DRC8: variants seen among roughly 807,000 people sequenced by gnomAD.
DRC8 encodes the protein dynein regulatory complex protein 8.
chr1:244,991,433 C>T, the DRC8 span, among the ~76,000 whole-genome samples: 8 of 152,070 alleles, frequency 5.3e-5, no homozygotes, highest in Non-Finnish European at 8.8e-5. Flanking sequence ...ATTCGAGATT[C>T]GCTCAATCCC....
the DRC8 span, among the ~76,000 whole-genome samples, chr1:245,041,061 G>T: frequency 1.3e-5 from 2 of 152,200 alleles, no homozygotes; most frequent in African/African-American, 4.8e-5. Context: ...GTGTGTTTAG[G>T]TGGGATGGAA....
At chr1:245,055,624 G>C in the DRC8 span, among the ~76,000 whole-genome samples, 4 of 152,046 alleles carry the variant, frequency 2.6e-5, no homozygotes, top group South Asian at 8.3e-4. Context: ...CGCCTGGCCT[G>C]TTTCTCCTTC....
chr1:245,048,985 TC>T, the DRC8 span, among the ~76,000 whole-genome samples: 1 of 57,852 alleles, frequency 1.7e-5, no homozygotes, highest in South Asian at 7.1e-4. Flanking sequence ...CTTTTTCTTT[TC>T]TTTTTTTTTT....
chr1:245,090,806 T>C, the DRC8 span, among the ~76,000 whole-genome samples: 1 of 152,078 alleles, frequency 6.6e-6, no homozygotes, highest in African/African-American at 2.4e-5. Flanking sequence ...TTCCAGACTA[T>C]ACCTGTCCCA....
chr1:245,118,841 A>AAAGAAAAT, the DRC8 span, among the ~76,000 whole-genome samples: 1 of 152,026 alleles, frequency 6.6e-6, no homozygotes, highest in Non-Finnish European at 1.5e-5. Context: ...AAAAGAAAAA[A>AAAGAAAAT]ATAATGATAA....
At chr1:245,038,984 A>C in the DRC8 span, among the ~76,000 whole-genome samples, 1 of 150,562 alleles carries the variant, frequency 6.6e-6, no homozygotes, top group Non-Finnish European at 1.5e-5. Context: ...AAAAGTGGTA[A>C]CTCTTTTAAA....
the DRC8 span, among the ~76,000 whole-genome samples, chr1:245,074,399 G>T: frequency 6.6e-6 from 1 of 152,304 alleles, no homozygotes; most frequent in Non-Finnish European, 1.5e-5. Flanking sequence ...TCACCCTTAA[G>T]TAGAGAAACT....
the DRC8 span, among the ~76,000 whole-genome samples, chr1:244,980,040 TAAAAAAAAAAAA>T: frequency 8.6e-5 from 3 of 34,736 alleles, no homozygotes; most frequent in South Asian, 1.3e-3. Context: ...CCGTCTCTAC[TAAAAAAAAAAAA>T]AAAAAAAAAA....
At chr1:245,061,391 T>C in the DRC8 span, among the ~76,000 whole-genome samples, 4 of 152,232 alleles carry the variant, frequency 2.6e-5, no homozygotes, top group Non-Finnish European at 4.4e-5. Context: ...ATTTTATTTT[T>C]ACCCTTTTTT....
chr1:245,075,235 C>G, the DRC8 span, among the ~76,000 whole-genome samples: 2 of 152,158 alleles, frequency 1.3e-5, no homozygotes, highest in African/African-American at 4.8e-5. Flanking sequence ...GCTGTGATCC[C>G]GTCAAAACAC....
At chr1:245,059,002 A>G in the DRC8 span, among the ~76,000 whole-genome samples, 7 of 152,148 alleles carry the variant, frequency 4.6e-5, no homozygotes, top group South Asian at 1.5e-3. Context: ...TGCTTTTAAC[A>G]CTCTGATACT....
the DRC8 span, among the ~76,000 whole-genome samples, chr1:245,084,750 A>G: frequency 6.6e-6 from 1 of 152,146 alleles, no homozygotes; most frequent in East Asian, 1.9e-4. Flanking sequence ...GGCAGAATGA[A>G]AAGCGCAAGT....
At chr1:245,087,098 C>T in the DRC8 span, 4 of 1,175,422 alleles carry the variant, frequency 3.4e-6, no homozygotes, top group Middle Eastern at 4.0e-4. Context: ...TCTGGACTGT[C>T]GTGATGTCCT....
At chr1:245,010,742 T>G in the DRC8 span, among the ~76,000 whole-genome samples, 1 of 147,150 alleles carries the variant, frequency 6.8e-6, no homozygotes, top group African/African-American at 2.5e-5. Context: ...AGTGCAGTGG[T>G]GCGATCTCGG....
chr1:245,022,707 G>A, the DRC8 span, among the ~76,000 whole-genome samples: 1 of 151,992 alleles, frequency 6.6e-6, no homozygotes, highest in African/African-American at 2.4e-5. Context: ...GTATGCATGT[G>A]CATGTGCGTG....
chr1:244,980,040 TAAAAAAAA>T, the DRC8 span, among the ~76,000 whole-genome samples: 113 of 34,736 alleles, frequency 3.3e-3, 3 homozygotes, highest in Middle Eastern at 0.062. Context: ...CCGTCTCTAC[TAAAAAAAA>T]AAAAAAAAAA....
chr1:245,045,109 A>G, the DRC8 span, among the ~76,000 whole-genome samples: 1 of 152,114 alleles, frequency 6.6e-6, no homozygotes, highest in Non-Finnish European at 1.5e-5. Context: ...TCACCTGCTC[A>G]AGTCATCCTC....
the DRC8 span, among the ~76,000 whole-genome samples, chr1:245,043,714 C>T: frequency 6.0e-3 from 911 of 152,220 alleles, 8 homozygotes; most frequent in African/African-American, 0.021. Flanking sequence ...GAGATGAACC[C>T]GTGCAGGGAC....
At chr1:245,119,637 T>TA in the DRC8 span, among the ~76,000 whole-genome samples, 47 of 134,950 alleles carry the variant, frequency 3.5e-4, no homozygotes, top group South Asian at 1.4e-3. Flanking sequence ...AGACCCTGTC[T>TA]AAAAAAAAAA....
Sources: gnomAD v4.1 joint callset for allele counts (sites outside exome capture counted in the v4.1 genomes callset) on GRCh38, gnomAD v4.1.1 for gene constraint, MANE v1.5 for transcripts, NCBI Gene and HGNC (gene_info 2026-07-23, HGNC 2026-07-21) for gene names.